STARD3: variants seen among roughly 807,000 people sequenced by gnomAD.
The protein encoded by STARD3 is StAR related lipid transfer domain containing 3.
In STARD3, 39 loss-of-function variants were observed where a neutral mutation model predicts 62.0. That is an observed-to-expected ratio of 0.63 (90% CI 0.49 to 0.82). STARD3 has a LOEUF of 0.82. Among genes scored for constraint, STARD3 ranks in the 40% least tolerant of loss-of-function variants. The pLI is 0.00. For missense variants in STARD3, 543 were observed against 584.5 expected, an observed-to-expected ratio of 0.93 and a Z score of 0.73; for synonymous variants, 229 against 242.4, an observed-to-expected ratio of 0.94 and a Z score of 0.51.
Position 39,656,209 on chromosome 17 carries a change from C to A in STARD3, c.220-799C>A, listed in dbSNP as rs143488887. Reference sequence around the variant, plus strand: ...TGGAGAGCGGAAGCCCCAGTCTAGGCGGTTGTGAGGGGTCTTCCTCTCCAG... The same window carrying A: ...TGGAGAGCGGAAGCCCCAGTCTAGGAGGTTGTGAGGGGTCTTCCTCTCCAG... On this transcript the variant is annotated intron_variant, in intron 2 of 14. Transcript: ENST00000336308. Among the ~76,000 whole-genome samples the A allele has an allele frequency of 2.6e-3, 389 of 152,262 alleles. 4 individuals are homozygous for A. The South Asian group carries it at 0.027, about 11-fold the overall frequency.
At chr17:39,659,177 G>T in intron 8 of STARD3, 71 bp downstream of exon 8, 1 of 1,591,362 alleles carries the variant, frequency 6.3e-7, no homozygotes. Flanking sequence ...GCAGGGGTCA[G>T]CCGGGGTGGG....
At chr17:39,645,924 C>T (rs1416126296) in intron 1 of STARD3, among the ~76,000 whole-genome samples, 4 of 110,990 alleles carry the variant, frequency 3.6e-5, no homozygotes, top group Non-Finnish European at 6.7e-5. Context: ...TGGAGTCTCA[C>T]TCTGTCACCC....
chr17:39,656,899 C>A, intron 2 of STARD3, 109 bp from the exon 3 acceptor site: 1 of 1,071,100 alleles, frequency 9.3e-7, no homozygotes, highest in Non-Finnish European at 1.4e-6. Flanking sequence ...CATCAACAGC[C>A]TCCCCTCCAG....
At chr17:39,640,984 T>A (rs2056978442) in intron 1 of STARD3, among the ~76,000 whole-genome samples, 1 of 152,218 alleles carries the variant, frequency 6.6e-6, no homozygotes, top group Non-Finnish European at 1.5e-5. Flanking sequence ...TCCAGGGGAT[T>A]TCCCAAACCC....
At chr17:39,647,970 G>A (rs758216641) in intron 1 of STARD3, among the ~76,000 whole-genome samples, 2 of 151,910 alleles carry the variant, frequency 1.3e-5, no homozygotes, top group South Asian at 2.1e-4. Context: ...CATAGACCTT[G>A]TCTCTACAAA....
chr17:39,645,611 A>G (rs1036782277), intron 1 of STARD3, among the ~76,000 whole-genome samples: 2 of 152,064 alleles, frequency 1.3e-5, no homozygotes, highest in Non-Finnish European at 2.9e-5. Flanking sequence ...CTGCGATTAC[A>G]GGCACACGCC....
intron 1 of STARD3, among the ~76,000 whole-genome samples, chr17:39,648,179 G>C (rs923848810): frequency 6.6e-6 from 1 of 152,170 alleles, no homozygotes; most frequent in African/African-American, 2.4e-5. Flanking sequence ...CAGCTACTCG[G>C]GAGGCTGAGG....
chr17:39,658,226 A>G (rs1288040670), intron 5 of STARD3, 179 bp from the exon 6 acceptor site: 2 of 830,800 alleles, frequency 2.4e-6, no homozygotes, highest in East Asian at 5.3e-5. Context: ...TAGGAATCAG[A>G]AGGTTCTTTC....
intron 1 of STARD3, among the ~76,000 whole-genome samples, chr17:39,645,978 G>A (rs1287742279): frequency 1.6e-5 from 2 of 122,040 alleles, no homozygotes; most frequent in African/African-American, 6.4e-5. Flanking sequence ...TGCAACCTTC[G>A]CCCCTCAGGT....
chr17:39,646,635 G>A (rs1182608582), intron 1 of STARD3, among the ~76,000 whole-genome samples: 1 of 152,122 alleles, frequency 6.6e-6, no homozygotes, highest in Non-Finnish European at 1.5e-5. Context: ...GCTAGGAAGG[G>A]GACAGTCTGA....
rs2057163077 is a variant in STARD3, at chr17:39,658,924, A to G, written c.646+104A>G. On this transcript the variant is annotated intron_variant, in intron 7 of 14. Transcript: ENST00000336308. ...ATTCCTTCTATCAGGCTCCCTGGGG[A>G]AAGCCAGCAACCCTCTCCCACACAC... 49 of 1,562,188 alleles carry G rather than the reference A, an allele frequency of 3.1e-5. 2 individuals are homozygous for G. In the South Asian group the frequency reaches 5.4e-4, roughly 17 times the overall value.
In STARD3 at chr17:39,662,800, C is replaced by T. The variant is rs760673684; in HGVS notation, c.1234-4C>T. 6.2e-6 allele frequency: 10 copies of T among 1,606,352 alleles called. No individual in the cohort carries two copies. The Admixed American group carries it at 1.2e-4, about 19-fold the overall frequency. On this transcript the variant is annotated splice_polypyrimidine_tract_variant and splice_region_variant and intron_variant, in intron 14 of 14. Coordinates refer to ENST00000336308, the MANE Select transcript of STARD3 (RefSeq NM_006804.4). ...AAGTGTGACTTCTGCCTGCCTTCCC[C>T]CAGGGCCGCCTGCCCCGGTACCTCA... is the stretch of plus-strand genomic sequence containing the variant.
chr17:39,661,229 T>C (rs2271308), intron 13 of STARD3, 144 bp downstream of exon 13: 468,840 of 690,452 alleles, frequency 0.68, 163,352 homozygotes, highest in South Asian at 0.74. Flanking sequence ...CTGCTCCTCC[T>C]GGCTACTAAT....
At chr17:39,642,173 G>C (rs1014191384) in intron 1 of STARD3, among the ~76,000 whole-genome samples, 2 of 152,236 alleles carry the variant, frequency 1.3e-5, no homozygotes, top group African/African-American at 4.8e-5. Context: ...TAGAGGCAGC[G>C]AGTGTTGACC....
chr17:39,660,452 G>A lies in STARD3; in HGVS notation c.880G>A (p.Glu294Lys). 1 of 1,613,952 alleles carries A rather than the reference G, an allele frequency of 6.2e-7. No homozygotes were observed. The highest frequency in any genetic ancestry group is 8.5e-7 in the Non-Finnish European group (1 of 1,180,034). Residue 294 changes from glutamate (E) to lysine (K), a missense_variant, in exon 11 of 15, where the codon GAG becomes AAG. Transcript: ENST00000336308. This position sits in a 1 kb window ranked among gnomAD's most constrained non-coding sequence, Gnocchi z 4.8. ...CCAGACCTTCCTGCCCTGTCCTGCG[G>A]AGCTCGTGTACCAGGAGGTGATCCT... is the stretch of plus-strand genomic sequence containing the variant. Reference protein sequence around the residue: ...ILKTFLPCPAELVYQEVILQP... With the variant: ...ILKTFLPCPAKLVYQEVILQP...
intron 1 of STARD3, among the ~76,000 whole-genome samples, chr17:39,638,833 A>AGAAT (rs1258283277): frequency 1.3e-5 from 2 of 152,258 alleles, no homozygotes; most frequent in African/African-American, 4.8e-5. Flanking sequence ...GCTAGGCACA[A>AGAAT]GAATGCTCAA....
chr17:39,657,730 G>C, intron 3 of STARD3, 45 bp from the exon 4 acceptor site: 1 of 1,607,428 alleles, frequency 6.2e-7, no homozygotes, highest in South Asian at 1.1e-5. Context: ...AGCAGGGTGG[G>C]GGGCAGTAGC....
chr17:39,662,290 G>A lies in STARD3; in HGVS notation c.1179G>A (p.Ser393=), dbSNP rs184428801. The change falls in exon 14 of 15, where the codon TCG becomes TCA. Residue 393 remains serine (S), a synonymous_variant. Transcript: ENST00000336308. ...NGPGGFIVLK[S]ASNPRVCTFV... The stretch of plus-strand genomic sequence containing the variant: ...CTGGGGGCTTCATCGTGCTCAAGTC[G>A]GCCAGTAACCCCCGTGTTTGCACCT... 12 of 1,613,950 alleles carry A rather than the reference G, an allele frequency of 7.4e-6. No individual in the cohort carries two copies. Among genetic ancestry groups the A allele is most frequent in the East Asian group, 2.2e-5 (1 of 44,862 alleles).
intron 1 of STARD3, among the ~76,000 whole-genome samples, chr17:39,638,113 C>T (rs996261274): frequency 2.6e-5 from 4 of 152,188 alleles, no homozygotes; most frequent in Middle Eastern, 3.2e-3. Context: ...ACACTTTCTC[C>T]TCTCTTTCAA....
Sources: allele counts gnomAD v4.1 joint callset (sites outside exome capture counted in the v4.1 genomes callset), GRCh38; gene constraint gnomAD v4.1.1; non-coding constraint Gnocchi (gnomAD v3.1); transcripts MANE v1.5; gene names NCBI Gene and HGNC (gene_info 2026-07-23, HGNC 2026-07-21).